The following ACSL4 variants were observed in gnomAD, a reference collection of about 807,000 sequenced individuals.
ACSL4 encodes the protein long-chain-fatty-acid--CoA ligase 4.
ACSL4 carries 9 observed loss-of-function variants against 49.1 expected under a neutral mutation model. That is an observed-to-expected ratio of 0.18 (90% CI 0.11 to 0.32). The LOEUF (loss-of-function observed/expected upper bound fraction) is 0.32, where lower values mean the gene tolerates loss of function less well. Among genes scored for constraint, ACSL4 ranks in the 10% least tolerant of loss-of-function variants. The pLI is 1.00. For missense variants in ACSL4, 333 were observed against 493.7 expected (o/e 0.67, Z 3.08); for synonymous variants, 191 against 170.3 (o/e 1.12, Z -0.95).
chrX:109,641,753 G>A lies in ACSL4; in HGVS notation c.*2276C>T, dbSNP rs1242079682. ...AAGAATAAATACAAATATCAAGGAG[G>A]CAGGAACATTCATGGAATTAAAGCA... On this transcript the variant is annotated 3_prime_UTR_variant, in exon 16 of 16. Transcript: ENST00000672401. The A allele has an allele frequency of 7.1e-5, 8 of 112,412 alleles. No homozygotes were observed. The highest frequency in any genetic ancestry group is 6.6e-4 in the Admixed American group (7 of 10,558). 9.3% of individuals were successfully genotyped at this position (112,412 alleles called of 1,213,427 possible).
intron 1 of ACSL4, among the ~76,000 whole-genome samples, chrX:109,719,658 T>TG (rs1449863321): frequency 8.9e-6 from 1 of 112,361 alleles, no homozygotes; most frequent in Non-Finnish European, 1.9e-5. Flanking sequence ...CCACCTATAA[T>TG]GAAGTCAATT....
chrX:109,646,300 CCATCAGACTAA>C (rs1478010217), intron 15 of ACSL4, among the ~76,000 whole-genome samples: 1 of 111,636 alleles, frequency 9.0e-6, no homozygotes. Context: ...AAAGGGAAGC[CCATCAGACTAA>C]CAGCGGATCT....
intron 1 of ACSL4, among the ~76,000 whole-genome samples, chrX:109,730,604 T>C (rs997833278): frequency 8.9e-6 from 1 of 112,347 alleles, no homozygotes; most frequent in Non-Finnish European, 1.9e-5. Flanking sequence ...CCTGAGGGCC[T>C]GACATACGTG....
At chrX:109,685,259 G>GT (rs1228967954) in intron 2 of ACSL4, among the ~76,000 whole-genome samples, 9 of 108,989 alleles carry the variant, frequency 8.3e-5, no homozygotes, top group Non-Finnish European at 1.7e-4. Flanking sequence ...TGCCTGGCTA[G>GT]TTTTTTTCCA....
intron 15 of ACSL4, 21 bp from the exon 16 acceptor site, chrX:109,644,207 T>C (rs781570189): frequency 2.5e-6 from 3 of 1,183,913 alleles, no homozygotes; most frequent in African/African-American, 3.6e-5. Flanking sequence ...AAGTGAAAGA[T>C]GGGAGAAAAG....
intron 9 of ACSL4, among the ~76,000 whole-genome samples, chrX:109,671,067 C>T (rs374294169): frequency 8.9e-6 from 1 of 111,739 alleles, no homozygotes; most frequent in Non-Finnish European, 1.9e-5. Flanking sequence ...AAGTGAGGAG[C>T]GTCTCTGCCT....
intron 1 of ACSL4, among the ~76,000 whole-genome samples, chrX:109,730,084 C>A (rs1490473201): frequency 8.9e-6 from 1 of 112,061 alleles, no homozygotes; most frequent in Non-Finnish European, 1.9e-5. Context: ...GAACTAAATA[C>A]ATACATGCAA....
intron 1 of ACSL4, among the ~76,000 whole-genome samples, chrX:109,722,246 A>G (rs999639778): frequency 8.9e-6 from 1 of 112,425 alleles, no homozygotes; most frequent in Non-Finnish European, 1.9e-5. Flanking sequence ...AAATACTTCT[A>G]GATGACAAGA....
chrX:109,717,109 C>A (rs986696762), intron 1 of ACSL4, among the ~76,000 whole-genome samples: 18 of 111,978 alleles, frequency 1.6e-4, no homozygotes, highest in Admixed American at 5.7e-4. Context: ...AAGGCCAACA[C>A]AGAGGACAGT....
At chrX:109,719,897 G>A (rs1927414974) in intron 1 of ACSL4, among the ~76,000 whole-genome samples, 1 of 111,771 alleles carries the variant, frequency 8.9e-6, no homozygotes, top group Non-Finnish European at 1.9e-5. Context: ...GGAGGCTGAG[G>A]CAAGAGAATC....
intron 14 of ACSL4, 49 bp downstream of exon 14, chrX:109,661,482 T>C: frequency 1.1e-6 from 1 of 922,128 alleles, no homozygotes; most frequent in Non-Finnish European, 1.6e-6. Flanking sequence ...CATTATTTTC[T>C]AAATATCTTT....
chrX:109,682,862 A>C lies in ACSL4; in HGVS notation c.263T>G (p.Leu88Arg). The C allele has an allele frequency of 1.7e-6, 2 of 1,211,536 alleles. No homozygotes were observed. The highest frequency in any genetic ancestry group is 3.5e-5 in the South Asian group (2 of 56,999). The change falls in exon 4 of 16, where the codon CTT becomes CGT. Residue 88 changes from leucine to arginine, a missense_variant. Leu to Arg is a moderately radical substitution (Grantham distance 102, BLOSUM62 -2). Coordinates refer to ENST00000672401, the MANE Select transcript of ACSL4 (RefSeq NM_001318510.2). ...ILGNYKWMNY[L>R]EVNRRVNNFG... ...GTTATTCACTCTGCGATTCACTTCAAGATAGTTCATCCATTTATAATTCCC... is the reference window on the plus strand; with the variant it reads ...GTTATTCACTCTGCGATTCACTTCACGATAGTTCATCCATTTATAATTCCC...
chrX:109,683,248 T>C lies in ACSL4; in HGVS notation c.116A>G (p.Asp39Gly), dbSNP rs1924321474. ...VIDIPGADTL[D>G]KLFDHAVSKF... ...GGATACAGCATGGTCAAATAATTTA[T>C]CCAGAGTATCTGCTCCAGGGATGTC... Residue 39 changes from aspartate (D) to glycine (G), a missense_variant, in exon 3 of 16, where the codon GAT becomes GGT. Asp to Gly is a moderately conservative substitution (Grantham distance 94, BLOSUM62 -1). This residue lies in a region of ACSL4 where 157 missense variants were observed against 201.1 expected (regional missense o/e 0.78). Coordinates refer to ENST00000672401, the MANE Select transcript of ACSL4 (RefSeq NM_001318510.2). The C allele has an allele frequency of 8.3e-7, 1 of 1,211,912 alleles. No individual in the cohort carries two copies. The highest frequency in any genetic ancestry group is 1.1e-6 in the Non-Finnish European group (1 of 895,430).
At chrX:109,670,148 GTT>G (rs1002063615) in intron 9 of ACSL4, among the ~76,000 whole-genome samples, 4 of 112,467 alleles carry the variant, frequency 3.6e-5, no homozygotes, top group African/African-American at 9.7e-5. Flanking sequence ...AAGCACATCT[GTT>G]TATAAATACG....
rs1258779115 is a variant in ACSL4, at chrX:109,663,311, C to G, written c.1482G>C (p.Glu494Asp). The change falls in exon 13 of 16, where the codon GAG (glutamate) becomes GAC (aspartate). Residue 494 changes from glutamate to aspartate, a missense_variant. By Grantham distance (45) the Glu-to-Asp change is conservative. Transcript: ENST00000672401. Reference sequence around the variant, plus strand: ...CCACAGAATAATCTTCTGCTGTTTTCTCTTCATTTTTAAAATATCCCATGG... The same window carrying G: ...CCACAGAATAATCTTCTGCTGTTTTGTCTTCATTTTTAAAATATCCCATGG... ...NISMGYFKNE[E>D]KTAEDYSVDE... 3.3e-6 allele frequency: 4 copies of G among 1,209,315 alleles called. No individual in the cohort carries two copies. Among genetic ancestry groups the G allele is most frequent in the Admixed American group, 2.2e-5 (1 of 45,978 alleles).
intron 15 of ACSL4, among the ~76,000 whole-genome samples, chrX:109,655,655 T>C (rs950459142): frequency 1.8e-5 from 2 of 110,659 alleles, no homozygotes; most frequent in African/African-American, 6.6e-5. Flanking sequence ...GAGATCTCCA[T>C]ATGGAAAGGG....
rs866599917 is a variant in ACSL4, at chrX:109,653,985, A to T, written c.1855+5369T>A. Among the ~76,000 whole-genome samples the T allele has an allele frequency of 8.6e-4, 93 of 107,706 alleles. 2 individuals are homozygous for T. Among genetic ancestry groups the T allele is most frequent in the African/African-American group, 2.8e-3 (84 of 29,649 alleles). The allele number at this position is 107,706 out of a possible 115,157, so 93.5% of individuals were successfully genotyped here. Reference sequence around the variant, plus strand: ...ATTTTTAAAAAAATTTATTTGAAAAAATATATATATATATATTCTCTTTGA... The same window carrying T: ...ATTTTTAAAAAAATTTATTTGAAAATATATATATATATATATTCTCTTTGA... On this transcript the variant is annotated intron_variant, in intron 15 of 15. Coordinates refer to ENST00000672401, the MANE Select transcript of ACSL4 (RefSeq NM_001318510.2).
intron 1 of ACSL4, among the ~76,000 whole-genome samples, chrX:109,720,466 T>G (rs995996491): frequency 8.9e-6 from 1 of 112,091 alleles, no homozygotes; most frequent in Admixed American, 9.5e-5. Flanking sequence ...TACTTGACAC[T>G]AAAAACTAAA....
intron 1 of ACSL4, among the ~76,000 whole-genome samples, chrX:109,713,317 T>C (rs778817906): frequency 8.9e-6 from 1 of 111,869 alleles, no homozygotes; most frequent in African/African-American, 3.3e-5. Context: ...GTCACTATAG[T>C]TAAAGTTCTC....
Sources: allele counts gnomAD v4.1 joint callset (sites outside exome capture counted in the v4.1 genomes callset), GRCh38; gene constraint gnomAD v4.1.1; regional missense constraint gnomAD v4.1.1; transcripts MANE v1.5; gene names NCBI Gene and HGNC (gene_info 2026-07-23, HGNC 2026-07-21).